IGF1R: variants seen among roughly 807,000 people sequenced by gnomAD.
IGF1R encodes insulin-like growth factor 1 receptor.
Under a neutral mutation model 144.6 loss-of-function variants are expected in IGF1R, and 44 were observed. That is an observed-to-expected ratio of 0.30 (90% confidence interval 0.24 to 0.39). The LOEUF (loss-of-function observed/expected upper bound fraction) is 0.39. IGF1R is among the 10% of genes least tolerant of loss of function. The probability of loss-of-function intolerance (pLI) is 1.00; values close to 1 mark genes in which losing one functional copy is unlikely to be tolerated. For missense variants in IGF1R, 1,355 were observed against 1,833.7 expected (o/e 0.74, Z 4.77); for synonymous variants, 795 against 722.8 (o/e 1.10, Z -1.60).
At chr15:98,905,243 G>A (rs1235936515) in intron 5 of IGF1R, among the ~76,000 whole-genome samples, 1 of 152,160 alleles carries the variant, frequency 6.6e-6, no homozygotes, top group Non-Finnish European at 1.5e-5. Context: ...TCTACAGATT[G>A]GGAGATAGGG....
chr15:98,757,664 C>T (rs1292087684), intron 2 of IGF1R, among the ~76,000 whole-genome samples: 3 of 152,008 alleles, frequency 2.0e-5, no homozygotes, highest in Non-Finnish European at 4.4e-5. Context: ...GCCAGCTTTG[C>T]TTTCTTTTTA....
chr15:98,668,015 G>A lies in IGF1R; in HGVS notation c.94+18340G>A, dbSNP rs2052788730. On this transcript the variant is annotated intron_variant, in intron 1 of 20. Transcript: ENST00000650285. ...CTATAGACTGAGGGCTAAAACCACA[G>A]ACTTATGTTTCTCACAGTTCTGGAG... Among the ~76,000 whole-genome samples, 5 of 152,156 alleles carry A rather than the reference G, an allele frequency of 3.3e-5. No individual in the cohort carries two copies. The South Asian group carries it at 8.3e-4, about 25-fold the overall frequency.
chr15:98,860,555 T>C (rs752303240), intron 2 of IGF1R, among the ~76,000 whole-genome samples: 9 of 152,226 alleles, frequency 5.9e-5, no homozygotes, highest in Middle Eastern at 3.2e-3. Context: ...TCTTTGCTTC[T>C]TACTCCAGTG....
chr15:98,806,603 A>C (rs2056477353), intron 2 of IGF1R, among the ~76,000 whole-genome samples: 1 of 152,236 alleles, frequency 6.6e-6, no homozygotes, highest in South Asian at 2.1e-4. Context: ...ACGCCTAAGG[A>C]AATTATCTCA....
intron 2 of IGF1R, among the ~76,000 whole-genome samples, chr15:98,849,947 G>T (rs1596357298): frequency 6.6e-6 from 1 of 152,188 alleles, no homozygotes; most frequent in South Asian, 2.1e-4. Context: ...TGGGAGGACG[G>T]CAGAATAGCA....
chr15:98,815,839 T>A (rs1314073992), intron 2 of IGF1R, among the ~76,000 whole-genome samples: 1 of 151,956 alleles, frequency 6.6e-6, no homozygotes, highest in Admixed American at 6.5e-5. Context: ...TTCCAAGCCC[T>A]TCTTCTTTCT....
intron 2 of IGF1R, among the ~76,000 whole-genome samples, chr15:98,787,434 C>T (rs1307761934): frequency 6.6e-6 from 1 of 152,196 alleles, no homozygotes; most frequent in Non-Finnish European, 1.5e-5. Flanking sequence ...GGCGTTGGAG[C>T]GTGAGCAAAG....
At chr15:98,711,003 T>A (rs1389578857) in intron 2 of IGF1R, among the ~76,000 whole-genome samples, 1 of 152,198 alleles carries the variant, frequency 6.6e-6, no homozygotes, top group Non-Finnish European at 1.5e-5. Context: ...CTTGAAAATT[T>A]AAAATTACAG....
At chr15:98,756,638 C>T (rs191910874) in intron 2 of IGF1R, among the ~76,000 whole-genome samples, 48 of 151,984 alleles carry the variant, frequency 3.2e-4, no homozygotes, top group Non-Finnish European at 5.6e-4. Flanking sequence ...CTTTTAATTT[C>T]ATCTCAGTAT....
chr15:98,853,660 C>A (rs996968227), intron 2 of IGF1R, among the ~76,000 whole-genome samples: 1 of 152,164 alleles, frequency 6.6e-6, no homozygotes, highest in Admixed American at 6.5e-5. Context: ...GATAAGCCTC[C>A]CTCCTGCGAT....
intron 2 of IGF1R, among the ~76,000 whole-genome samples, chr15:98,742,312 T>G (rs2054764311): frequency 6.6e-6 from 1 of 152,186 alleles, no homozygotes; most frequent in Non-Finnish European, 1.5e-5. Context: ...AATGATGAAT[T>G]TAATAAAATT....
intron 11 of IGF1R, among the ~76,000 whole-genome samples, chr15:98,922,920 G>A (rs1596454919): frequency 6.6e-6 from 1 of 152,242 alleles, no homozygotes; most frequent in East Asian, 1.9e-4. Context: ...CCTGTCACTC[G>A]GGCATTCATC....
chr15:98,931,659 T>TA (rs1567207043), intron 15 of IGF1R, among the ~76,000 whole-genome samples: 4 of 151,148 alleles, frequency 2.6e-5, no homozygotes, highest in African/African-American at 2.4e-5. Context: ...ACACCACACT[T>TA]ACAAGAGTTG....
chr15:98,650,846 T>C (rs2052344734), intron 1 of IGF1R: 1 of 946,918 alleles, frequency 1.1e-6, no homozygotes, highest in Non-Finnish European at 1.3e-6. Context: ...TCGCTGTCTT[T>C]TGCAATCTGA....
At chr15:98,788,054 CTCTCTCTCTGTGTGTG>C (rs773389919) in intron 2 of IGF1R, among the ~76,000 whole-genome samples, 27 of 142,376 alleles carry the variant, frequency 1.9e-4, no homozygotes, top group East Asian at 6.0e-4. Flanking sequence ...CTCTCTCTCT[CTCTCTCTCTGTGTGTG>C]TGTGTGTGTG....
chr15:98,939,171 C>G (rs2151713790), intron 17 of IGF1R, 30 bp from the exon 18 acceptor site: 1 of 1,604,506 alleles, frequency 6.2e-7, no homozygotes, highest in South Asian at 1.1e-5. Context: ...ATCCAAAATT[C>G]TCATGTGAAT....
chr15:98,800,895 C>G (rs2056348141), intron 2 of IGF1R, among the ~76,000 whole-genome samples: 1 of 152,244 alleles, frequency 6.6e-6, no homozygotes, highest in Non-Finnish European at 1.5e-5. Context: ...TTGCAGCCAT[C>G]TAGCCCAGGC....
intron 2 of IGF1R, among the ~76,000 whole-genome samples, chr15:98,812,682 G>A (rs1463941649): frequency 4.6e-5 from 7 of 152,052 alleles, no homozygotes; most frequent in Admixed American, 1.3e-4. Flanking sequence ...AAACTTCGTC[G>A]TATAATATTA....
rs544680990 is a variant in IGF1R at position 98,960,861 on chromosome 15, C to A, written c.*3419C>A. 3.8e-5 allele frequency: 9 copies of A among 233,832 alleles called. No individual in the cohort carries two copies. In the East Asian group the frequency reaches 4.8e-4, roughly 13 times the overall value. 14.5% of individuals were successfully genotyped at this position (233,832 alleles called of 1,614,324 possible). ...GTAGACAGAGATGTACCAAACCTTC[C>A]GGCTGGAAAGCCCAGTGGCCGGCGC... On this transcript the variant is annotated 3_prime_UTR_variant, in exon 21 of 21. Transcript: ENST00000650285.
Sources: allele counts gnomAD v4.1 joint callset (sites outside exome capture counted in the v4.1 genomes callset), GRCh38; gene constraint gnomAD v4.1.1; transcripts MANE v1.5; gene names NCBI Gene and HGNC (gene_info 2026-07-23, HGNC 2026-07-21).